Variants in ZFAND3 observed in about 807,000 individuals in gnomAD.
ZFAND3 encodes the protein AN1-type zinc finger protein 3.
A neutral mutation model predicts 29.6 loss-of-function variants in ZFAND3; 10 were observed. That is an observed-to-expected ratio of 0.34 (90% CI 0.21 to 0.57). The LOEUF (loss-of-function observed/expected upper bound fraction) is 0.57. Among genes scored for constraint, ZFAND3 ranks in the 20% least tolerant of loss-of-function variants. The pLI is 0.86. For synonymous variants in ZFAND3, 128 were observed against 112.6 expected (o/e 1.14, Z -0.87); for missense variants, 230 against 304.5 (o/e 0.76, Z 1.82).
intron 2 of ZFAND3, among the ~76,000 whole-genome samples, chr6:38,054,399 A>T (rs201229363): frequency 5.3e-5 from 3 of 56,378 alleles, no homozygotes; most frequent in Non-Finnish European, 1.6e-4. Flanking sequence ...GTCTCAAATT[A>T]AAAAAAAAAA....
chr6:37,975,285 C>T (rs1293797411), intron 2 of ZFAND3, among the ~76,000 whole-genome samples: 1 of 152,080 alleles, frequency 6.6e-6, no homozygotes, highest in Non-Finnish European at 1.5e-5. Context: ...CTTCTTTGTT[C>T]AACCGTTGAA....
At chr6:37,963,214 T>C (rs1581795410) in intron 2 of ZFAND3, among the ~76,000 whole-genome samples, 1 of 152,112 alleles carries the variant, frequency 6.6e-6, no homozygotes, top group East Asian at 1.9e-4. Context: ...GAACACCAAG[T>C]AGATTTAACC....
In ZFAND3 at chr6:38,154,617, G is replaced by C; in HGVS notation, c.*2228G>C. ...GCTGAAAAAAAAAATTAAACCAATC[G>C]TATGAAAGTTTGGTTTTCTTGTTTC... On this transcript the variant is annotated 3_prime_UTR_variant, in exon 6 of 6. Coordinates refer to ENST00000287218, the MANE Select transcript of ZFAND3 (RefSeq NM_021943.3). The C allele has an allele frequency of 1.1e-6, 1 of 948,014 alleles. No homozygotes were observed. The highest frequency in any genetic ancestry group is 4.9e-5 in the South Asian group (1 of 20,502). 58.7% of individuals were successfully genotyped at this position (948,014 alleles called of 1,614,324 possible). A position where few individuals can be genotyped will look rare whatever the true frequency, so the allele number is the denominator to read the frequency against.
intron 2 of ZFAND3, among the ~76,000 whole-genome samples, chr6:37,934,986 C>T (rs1169585294): frequency 6.6e-6 from 1 of 151,774 alleles, no homozygotes; most frequent in East Asian, 1.9e-4. Flanking sequence ...TCTCAAATTA[C>T]AATTCAGTAC....
At position 37,835,542 on chromosome 6, in the gene ZFAND3, T is replaced by C. The variant is rs530613659; in HGVS notation, c.71+15526T>C. Among the ~76,000 whole-genome samples the C allele has an allele frequency of 1.6e-3, 248 of 152,022 alleles. 1 individual carries two copies. Among genetic ancestry groups the C allele is most frequent in the African/African-American group, 5.7e-3 (237 of 41,468 alleles). ...CATGTACATGTACTGTATGGTTTTG[T>C]ATTATTTTAAATCCTTTTTTAAAAA... On this transcript the variant is annotated intron_variant, in intron 1 of 5. Transcript: ENST00000287218.
chr6:37,944,589 GTTTTTC>G (rs1207620876), intron 2 of ZFAND3, among the ~76,000 whole-genome samples: 2 of 152,312 alleles, frequency 1.3e-5, no homozygotes, highest in East Asian at 1.9e-4. Flanking sequence ...TACTAAATCG[GTTTTTC>G]TTTTGTGATG....
chr6:38,140,815 T>TC (rs1450112753), intron 5 of ZFAND3, among the ~76,000 whole-genome samples: 1 of 152,234 alleles, frequency 6.6e-6, no homozygotes, highest in East Asian at 1.9e-4. Context: ...GGCTATCCAT[T>TC]CAGTAGGGCT....
At chr6:38,000,848 T>G (rs1263079866) in intron 2 of ZFAND3, among the ~76,000 whole-genome samples, 4 of 151,970 alleles carry the variant, frequency 2.6e-5, no homozygotes, top group Admixed American at 6.6e-5. Context: ...GACAAAGGAG[T>G]TGTCTTTACT....
In ZFAND3 at chr6:38,152,965, G is replaced by A. The variant is rs1766263540; in HGVS notation, c.*576G>A. On this transcript the variant is annotated 3_prime_UTR_variant, in exon 6 of 6. Transcript: ENST00000287218. ...ACAGAGCTGGAAATGGGGGGTGGGGGACAGATTCTTACGGAAATTTTTTTA... is the reference window on the plus strand; with the variant it reads ...ACAGAGCTGGAAATGGGGGGTGGGGAACAGATTCTTACGGAAATTTTTTTA... 2.0e-6 allele frequency: 2 copies of A among 985,854 alleles called. No homozygotes were observed. The highest frequency in any genetic ancestry group is 2.4e-6 in the Non-Finnish European group (2 of 829,958). The allele number at this position is 985,854 out of a possible 1,614,324, so 61.1% of individuals were successfully genotyped here. A position where few individuals can be genotyped will look rare whatever the true frequency, so the allele number is the denominator to read the frequency against.
chr6:37,985,415 C>T (rs1240921102), intron 2 of ZFAND3, among the ~76,000 whole-genome samples: 5 of 152,112 alleles, frequency 3.3e-5, no homozygotes, highest in Non-Finnish European at 5.9e-5. Context: ...ATAGCTTGAG[C>T]CCAGGGATTC....
At chr6:37,891,171 C>T (rs1056779987) in intron 1 of ZFAND3, among the ~76,000 whole-genome samples, 9 of 152,176 alleles carry the variant, frequency 5.9e-5, no homozygotes, top group Non-Finnish European at 2.9e-5. Context: ...AATACGTGGT[C>T]TTTTGTGACT....
chr6:38,144,229 A>ATTTTTT (rs1436513843), intron 5 of ZFAND3, among the ~76,000 whole-genome samples: 1 of 116,930 alleles, frequency 8.6e-6, no homozygotes, highest in East Asian at 3.6e-4. Context: ...ATATATATAT[A>ATTTTTT]TATTTTTTTT....
intron 1 of ZFAND3, among the ~76,000 whole-genome samples, chr6:37,912,364 A>G (rs1021075288): frequency 6.6e-6 from 1 of 152,150 alleles, no homozygotes; most frequent in African/African-American, 2.4e-5. Context: ...ACTTGATTAA[A>G]TTTCAGAATA....
intron 2 of ZFAND3, among the ~76,000 whole-genome samples, chr6:38,047,919 A>C (rs1047208560): frequency 6.6e-6 from 1 of 152,002 alleles, no homozygotes; most frequent in African/African-American, 2.4e-5. Flanking sequence ...GACTGATAAT[A>C]AGAACCGTAG....
chr6:38,145,896 C>T (rs1004947268), intron 5 of ZFAND3, among the ~76,000 whole-genome samples: 19 of 152,174 alleles, frequency 1.2e-4, no homozygotes, highest in African/African-American at 4.6e-4. Flanking sequence ...CTCTCTATTC[C>T]GGGTGAGTGA....
rs1267105993 is a variant in ZFAND3, at chr6:38,153,998, G to A, written c.*1609G>A. ...TTTTTTGATCCGACGTACTGAAATAGGAAGTCATGCTCTTCCCACCCTCCA... is the reference window on the plus strand; with the variant it reads ...TTTTTTGATCCGACGTACTGAAATAAGAAGTCATGCTCTTCCCACCCTCCA... On this transcript the variant is annotated 3_prime_UTR_variant, in exon 6 of 6. Transcript: ENST00000287218. 3.0e-6 allele frequency: 3 copies of A among 985,488 alleles called. No homozygotes were observed. The highest frequency in any genetic ancestry group is 3.6e-6 in the Non-Finnish European group (3 of 829,942). The allele number at this position is 985,488 out of a possible 1,614,324, so 61.0% of individuals were successfully genotyped here. A position where few individuals can be genotyped will look rare whatever the true frequency, so the allele number is the denominator to read the frequency against.
chr6:38,075,202 A>T (rs905917413), intron 3 of ZFAND3, among the ~76,000 whole-genome samples: 4 of 152,184 alleles, frequency 2.6e-5, no homozygotes, highest in African/African-American at 9.7e-5. Flanking sequence ...GCTGCCATAG[A>T]TACTGATTCC....
intron 2 of ZFAND3, among the ~76,000 whole-genome samples, chr6:38,026,420 G>C (rs1763448612): frequency 9.8e-6 from 1 of 102,262 alleles, no homozygotes; most frequent in South Asian, 3.5e-4. Context: ...ATTACTTTAG[G>C]ATTTTTTTTT....
chr6:37,967,177 TATCC>T (rs1376684162), intron 2 of ZFAND3, among the ~76,000 whole-genome samples: 1 of 152,232 alleles, frequency 6.6e-6, no homozygotes, highest in Non-Finnish European at 1.5e-5. Flanking sequence ...ACTAGGTAAG[TATCC>T]ATCTTTGTGA....
Sources: allele counts gnomAD v4.1 joint callset (sites outside exome capture counted in the v4.1 genomes callset), GRCh38; gene constraint gnomAD v4.1.1; transcripts MANE v1.5; gene names NCBI Gene and HGNC (gene_info 2026-07-23, HGNC 2026-07-21).